ME3: variants seen among roughly 807,000 people sequenced by gnomAD.
The protein encoded by ME3 is NADP-dependent malic enzyme, mitochondrial.
In ME3, 48 loss-of-function variants were observed where a neutral mutation model predicts 68.9. The observed-to-expected ratio is 0.70, with a 90% CI of 0.55 to 0.89. The LOEUF (loss-of-function observed/expected upper bound fraction) is 0.89. Ranked by LOEUF, ME3 falls within the 40% of genes least tolerant of loss-of-function variation. ME3 has a pLI of 0.00. For missense variants in ME3, 675 were observed against 797.4 expected (o/e 0.85, Z 1.85); for synonymous variants, 320 against 318.8 (o/e 1.00, Z -0.04).
At chr11:86,513,839 A>G (rs1294005093) in intron 4 of ME3, among the ~76,000 whole-genome samples, 1 of 152,114 alleles carries the variant, frequency 6.6e-6, no homozygotes, top group Non-Finnish European at 1.5e-5. Context: ...GACCTCAGCA[A>G]TGTATTTACA....
At position 86,531,252 on chromosome 11, in the gene ME3, T is replaced by C. The variant is rs186501127; in HGVS notation, c.468-22385A>G. Among the ~76,000 whole-genome samples the C allele has an allele frequency of 1.5e-3, 236 of 152,326 alleles. 1 individual carries two copies. Among genetic ancestry groups the C allele is most frequent in the African/African-American group, 5.4e-3 (224 of 41,566 alleles). ...AGCCAAAAGACACATCAAGAAATGC[T>C]CATCATCACTGGCCATCAGAGAAAT... On this transcript the variant is annotated intron_variant, in intron 4 of 14. Transcript: ENST00000543262.
rs1951764137 is a variant in ME3, at chr11:86,487,510, T to G, written c.706-70A>C. 3.2e-6 allele frequency: 4 copies of G among 1,237,350 alleles called. No homozygotes were observed. In the South Asian group the frequency reaches 5.1e-5, roughly 16 times the overall value. 76.6% of individuals were successfully genotyped at this position (1,237,350 alleles called of 1,614,324 possible). The stretch of plus-strand genomic sequence containing the variant: ...CTGTTTTTTTTTTTTCCAACAAGTA[T>G]CCAGGATTATTAGGAAGAACCAGAA... On this transcript the variant is annotated intron_variant, in intron 6 of 14. Transcript: ENST00000543262.
intron 2 of ME3, among the ~76,000 whole-genome samples, chr11:86,647,806 T>C (rs1945126653): frequency 6.6e-6 from 1 of 152,090 alleles, no homozygotes; most frequent in Admixed American, 6.6e-5. Context: ...ACAATAATAG[T>C]GGGAGACTTT....
rs183258202 is a variant in ME3, at chr11:86,593,495, G to A, written c.184-33672C>T. On this transcript the variant is annotated intron_variant, in intron 2 of 14. Coordinates refer to ENST00000543262, the Ensembl canonical transcript of ME3. ...GCCCCACAAAGGCTCCAGAACTTCA[G>A]CATACAACCAGTAAGTTGCAGAACT... Among the ~76,000 whole-genome samples, 14 of 146,562 alleles carry A rather than the reference G, an allele frequency of 9.6e-5. 1 individual carries two copies. Among genetic ancestry groups the A allele is most frequent in the African/African-American group, 3.5e-4 (14 of 39,818 alleles).
intron 4 of ME3, among the ~76,000 whole-genome samples, chr11:86,542,734 G>C (rs937075337): frequency 2.0e-5 from 3 of 152,172 alleles, no homozygotes; most frequent in African/African-American, 4.8e-5. Flanking sequence ...CACTCTGCAG[G>C]ATGTTATCCA....
intron 8 of ME3, among the ~76,000 whole-genome samples, chr11:86,460,574 C>G (rs1009405415): frequency 6.6e-6 from 1 of 152,188 alleles, no homozygotes; most frequent in Non-Finnish European, 1.5e-5. Flanking sequence ...TTGCTCGATT[C>G]CAGCCCCCTC....
chr11:86,486,995 T>A (rs1951730067), intron 7 of ME3, among the ~76,000 whole-genome samples: 1 of 152,190 alleles, frequency 6.6e-6, no homozygotes, highest in African/African-American at 2.4e-5. Context: ...ACATTTTTCC[T>A]CCATCACTTG....
At chr11:86,528,638 G>C (rs543091753) in intron 4 of ME3, among the ~76,000 whole-genome samples, 19 of 152,194 alleles carry the variant, frequency 1.2e-4, no homozygotes, top group Non-Finnish European at 2.5e-4. Flanking sequence ...TAAAAGAACA[G>C]AAATTATAAC....
chr11:86,551,308 G>A (rs1039733587), intron 4 of ME3, among the ~76,000 whole-genome samples: 5 of 152,088 alleles, frequency 3.3e-5, no homozygotes, highest in Admixed American at 2.6e-4. Flanking sequence ...TAGCTCCAAG[G>A]CCACATGGTA....
chr11:86,644,986 G>A (rs1397286127), intron 2 of ME3, among the ~76,000 whole-genome samples: 1 of 152,188 alleles, frequency 6.6e-6, no homozygotes, highest in Non-Finnish European at 1.5e-5. Flanking sequence ...TTAGCCAAGG[G>A]AAGCCATGAG....
intron 6 of ME3, among the ~76,000 whole-genome samples, chr11:86,490,841 A>G (rs1189780613): frequency 6.6e-6 from 1 of 152,198 alleles, no homozygotes; most frequent in Admixed American, 6.5e-5. Context: ...AGCAGCATAG[A>G]GTGAATTTCT....
intron 4 of ME3, among the ~76,000 whole-genome samples, chr11:86,523,311 T>A (rs1248823302): frequency 6.6e-6 from 1 of 152,208 alleles, no homozygotes; most frequent in Admixed American, 6.5e-5. Flanking sequence ...CACCTGAGAT[T>A]AACGAAGCTC....
chr11:86,551,111 C>T (rs574019377), intron 4 of ME3, among the ~76,000 whole-genome samples: 2 of 152,050 alleles, frequency 1.3e-5, no homozygotes, highest in African/African-American at 2.4e-5. Context: ...AAATGTGAAC[C>T]TTAACCATAT....
chr11:86,473,532 T>C (rs915467457), intron 7 of ME3, among the ~76,000 whole-genome samples: 4 of 151,754 alleles, frequency 2.6e-5, no homozygotes, highest in Non-Finnish European at 4.4e-5. Context: ...GGAGTCAGAA[T>C]GGAGGGGAGA....
chr11:86,503,044 C>T (rs767540526), intron 5 of ME3, among the ~76,000 whole-genome samples: 2 of 152,140 alleles, frequency 1.3e-5, no homozygotes, highest in Admixed American at 6.5e-5. Flanking sequence ...TTATCCTCCT[C>T]CTCCTCTTCT....
intron 2 of ME3, among the ~76,000 whole-genome samples, chr11:86,594,624 G>A (rs1959188039): frequency 6.9e-6 from 1 of 145,882 alleles, no homozygotes; most frequent in African/African-American, 2.5e-5. Flanking sequence ...AGCCCGAGAG[G>A]TCAACGCTGC....
intron 13 of ME3, 61 bp downstream of exon 13, chr11:86,446,253 G>T (rs1949280028): frequency 6.4e-7 from 1 of 1,571,698 alleles, no homozygotes; most frequent in Non-Finnish European, 8.7e-7. Flanking sequence ...ATCTGGTATA[G>T]GACCCAGTGT....
chr11:86,577,995 A>G (rs1001718968), intron 2 of ME3, among the ~76,000 whole-genome samples: 3 of 152,226 alleles, frequency 2.0e-5, no homozygotes, highest in South Asian at 2.1e-4. Flanking sequence ...AAGTTGTTGG[A>G]TAAGAACCAG....
At chr11:86,600,984 C>A (rs1225765322) in intron 2 of ME3, among the ~76,000 whole-genome samples, 4 of 151,412 alleles carry the variant, frequency 2.6e-5, no homozygotes, top group African/African-American at 7.3e-5. Flanking sequence ...GCACTAAATG[C>A]CCACAAGAGA....
Sources: gnomAD v4.1 joint callset for allele counts (sites outside exome capture counted in the v4.1 genomes callset) on GRCh38, gnomAD v4.1.1 for gene constraint, MANE v1.5 for transcripts, NCBI Gene and HGNC (gene_info 2026-07-23, HGNC 2026-07-21) for gene names.